The following VPS35 variants were observed in gnomAD, a reference collection of about 807,000 sequenced individuals.
The protein encoded by VPS35 is vacuolar protein sorting-associated protein 35.
VPS35 carries 21 observed loss-of-function variants against 98.1 expected under a neutral mutation model. The observed-to-expected ratio is 0.21, with a 90% confidence interval of 0.15 to 0.31. The LOEUF is 0.31. Among genes scored for constraint, VPS35 ranks in the 10% least tolerant of loss-of-function variants. VPS35 has a pLI of 1.00. For synonymous variants in VPS35, 268 were observed against 318.2 expected (o/e 0.84, Z 1.68); for missense variants, 554 against 950.8 (o/e 0.58, Z 5.49).
At chr16:46,675,874 A>G (rs1000954989) in intron 8 of VPS35, among the ~76,000 whole-genome samples, 14 of 151,942 alleles carry the variant, frequency 9.2e-5, no homozygotes, top group Non-Finnish European at 1.6e-4. Context: ...AGACTAGCCT[A>G]GCCAACCTGG....
intron 5 of VPS35, among the ~76,000 whole-genome samples, chr16:46,679,704 T>G (rs1245381857): frequency 6.6e-6 from 1 of 152,220 alleles, no homozygotes; most frequent in Non-Finnish European, 1.5e-5. Flanking sequence ...CCTGCTTTAT[T>G]TTTCTACGTC....
Position 46,671,424 on chromosome 16 carries a change from TACAA to T in VPS35, c.1524+277_1524+280del, listed in dbSNP as rs201337400. 2.6e-5 allele frequency among the ~76,000 whole-genome samples: 4 copies of T among 152,102 alleles called. No homozygotes were observed. In the East Asian group the frequency reaches 7.7e-4, roughly 29 times the overall value. ...TTGTTACTCACATGCTCCAGAAGTT[TACAA>T]ACAATTATGTGTTTATATATAAAGT... On this transcript the variant is annotated intron_variant, in intron 12 of 16. Coordinates refer to ENST00000299138, the MANE Select transcript of VPS35 (RefSeq NM_018206.6).
chr16:46,660,189 GTGTTTTTTT>G lies in VPS35; in HGVS notation c.*274_*282del, dbSNP rs1965886833. ...GCCAAGATAAGTGCTTGTGGGTTTT[GTGTTTTTTT>G]TTTTTTTTTTTTTTACAGATCACAG... On this transcript the variant is annotated 3_prime_UTR_variant, in exon 17 of 17. Transcript: ENST00000299138. 2 of 91,512 alleles carry G rather than the reference GTGTTTTTTT, an allele frequency of 2.2e-5. No homozygotes were observed. The highest frequency in any genetic ancestry group is 4.2e-5 in the Non-Finnish European group (2 of 47,918). 5.7% of individuals were successfully genotyped at this position (91,512 alleles called of 1,614,324 possible).
In VPS35 at chr16:46,662,618, T is replaced by C. The variant is rs1965930065; in HGVS notation, c.1828-136A>G. On this transcript the variant is annotated intron_variant, in intron 14 of 16. Coordinates refer to ENST00000299138, the MANE Select transcript of VPS35 (RefSeq NM_018206.6). ...ATATCAGAACATGCTGCACCCTCTC[T>C]TGAGAGCCACAGGACACAACTGAGA... The C allele has an allele frequency of 2.5e-5, 34 of 1,380,680 alleles. No individual in the cohort carries two copies. Among genetic ancestry groups the C allele is most frequent in the Non-Finnish European group, 3.5e-5 (34 of 984,810 alleles). The allele number at this position is 1,380,680 out of a possible 1,614,324, so 85.5% of individuals were successfully genotyped here. A position where few individuals can be genotyped will look rare whatever the true frequency, so the allele number is the denominator to read the frequency against.
Position 46,661,466 on chromosome 16 carries a change from G to A in VPS35, c.2211+252C>T. Reference sequence around the variant, plus strand: ...GCTGGTTTCAAACTCCTGACCTCAGGTGATCTGCCTGCCTCAGCCTCCCAA... The same window carrying A: ...GCTGGTTTCAAACTCCTGACCTCAGATGATCTGCCTGCCTCAGCCTCCCAA... On this transcript the variant is annotated intron_variant, in intron 16 of 16. Transcript: ENST00000299138. The surrounding 1 kb of genome is among the most constrained non-coding windows in gnomAD (Gnocchi z 4.3). The A allele has an allele frequency of 2.7e-6, 1 of 371,898 alleles. No individual in the cohort carries two copies. The allele number at this position is 371,898 out of a possible 1,614,324, so 23.0% of individuals were successfully genotyped here. A position where few individuals can be genotyped will look rare whatever the true frequency, so the allele number is the denominator to read the frequency against.
chr16:46,672,020 T>C (rs1211932252), intron 11 of VPS35, among the ~76,000 whole-genome samples, 160 bp from the exon 12 acceptor site: 3 of 152,364 alleles, frequency 2.0e-5, no homozygotes, highest in Admixed American at 2.0e-4. Context: ...TACACACATA[T>C]ACAGACAAAA....
chr16:46,663,185 A>T (rs767724573), intron 13 of VPS35, 23 bp from the exon 14 acceptor site: 2 of 1,601,094 alleles, frequency 1.2e-6, no homozygotes, highest in Non-Finnish European at 1.7e-6. Flanking sequence ...AAAACATTTT[A>T]AGTTACCTTA....
At chr16:46,686,293 A>T (rs570543550) in intron 1 of VPS35, among the ~76,000 whole-genome samples, 1 of 152,298 alleles carries the variant, frequency 6.6e-6, no homozygotes, top group South Asian at 2.1e-4. Context: ...ATCCATGGAC[A>T]TATGGGTTGT....
chr16:46,662,778 AC>A (rs1253253496), intron 14 of VPS35, among the ~76,000 whole-genome samples: 2 of 152,340 alleles, frequency 1.3e-5, no homozygotes, highest in African/African-American at 4.8e-5. Flanking sequence ...ACCATGACCC[AC>A]TTGGAAATCT....
At chr16:46,687,105 C>T in intron 1 of VPS35, among the ~76,000 whole-genome samples, 1 of 152,172 alleles carries the variant, frequency 6.6e-6, no homozygotes, top group Non-Finnish European at 1.5e-5. Flanking sequence ...AGTTTAGATA[C>T]AAATAATTAT....
intron 13 of VPS35, among the ~76,000 whole-genome samples, chr16:46,667,086 T>C (rs1966000764): frequency 1.3e-5 from 2 of 152,214 alleles, no homozygotes; most frequent in South Asian, 4.1e-4. Context: ...TTCCCACCAA[T>C]AATAAACAGG....
chr16:46,682,404 C>A, intron 2 of VPS35: 1 of 481,950 alleles, frequency 2.1e-6, no homozygotes, highest in South Asian at 2.2e-5. Flanking sequence ...GCTAAGACTG[C>A]AAGCTTCTTG....
At chr16:46,662,594 T>C in intron 14 of VPS35, 112 bp from the exon 15 acceptor site, 5 of 1,507,976 alleles carry the variant, frequency 3.3e-6, no homozygotes, top group Non-Finnish European at 4.6e-6. Context: ...GCAGCCTTCA[T>C]ATCAGAACAT....
At chr16:46,669,149 G>T (rs1966032315) in intron 12 of VPS35, 97 bp from the exon 13 acceptor site, 3 of 1,469,328 alleles carry the variant, frequency 2.0e-6, no homozygotes, top group Non-Finnish European at 2.8e-6. Context: ...AACATTTTGT[G>T]AATATATACA....
At chr16:46,685,019 C>A (rs1966290253) in intron 1 of VPS35, among the ~76,000 whole-genome samples, 1 of 152,110 alleles carries the variant, frequency 6.6e-6, no homozygotes, top group Admixed American at 6.5e-5. Context: ...AGGAGAGAGG[C>A]TGAGGGGAAT....
At chr16:46,662,190 C>A (rs1303703727) in intron 15 of VPS35, 53 bp downstream of exon 15, 4 of 1,613,288 alleles carry the variant, frequency 2.5e-6, no homozygotes, top group Admixed American at 1.7e-5. Context: ...GCCATGACAA[C>A]TGATCCCTGT....
At chr16:46,666,397 T>C (rs574337177) in intron 13 of VPS35, among the ~76,000 whole-genome samples, 38 of 151,874 alleles carry the variant, frequency 2.5e-4, no homozygotes, top group African/African-American at 8.0e-4. Flanking sequence ...GACTCCCGAG[T>C]AGCTGGGACT....
intron 1 of VPS35, among the ~76,000 whole-genome samples, chr16:46,687,944 A>C (rs1457173102): frequency 6.6e-6 from 1 of 152,232 alleles, no homozygotes; most frequent in African/African-American, 2.4e-5. Flanking sequence ...TGTGTAATAC[A>C]TCCTCAATTA....
chr16:46,682,299 T>C (rs1476530292), intron 2 of VPS35, 124 bp from the exon 3 acceptor site: 2 of 776,600 alleles, frequency 2.6e-6, no homozygotes, highest in Non-Finnish European at 4.3e-6. Context: ...ACTTAAATGA[T>C]TTTAACCACA....
Sources: allele counts gnomAD v4.1 joint callset (sites outside exome capture counted in the v4.1 genomes callset), GRCh38; gene constraint gnomAD v4.1.1; non-coding constraint Gnocchi (gnomAD v3.1); transcripts MANE v1.5; gene names NCBI Gene and HGNC (gene_info 2026-07-23, HGNC 2026-07-21).